TYR: variants seen among roughly 807,000 people sequenced by gnomAD.
TYR encodes the protein tyrosinase.
TYR carries 58 observed loss-of-function variants against 51.5 expected under a neutral mutation model. That is an observed-to-expected ratio of 1.13 (90% CI 0.91 to 1.40). TYR has a LOEUF of 1.40. TYR is among the 40% of genes most tolerant of loss of function. The probability of loss-of-function intolerance (pLI) is 0.00; values close to 1 mark genes in which losing one functional copy is unlikely to be tolerated. For synonymous variants in TYR, 263 were observed against 235.2 expected (o/e 1.12, Z -1.08); for missense variants, 732 against 647.4 (o/e 1.13, Z -1.42).
intron 3 of TYR, among the ~76,000 whole-genome samples, chr11:89,238,268 T>A (rs1255229748): frequency 2.0e-5 from 3 of 152,218 alleles, no homozygotes; most frequent in East Asian, 3.8e-4. Context: ...TAAGAATTTT[T>A]AAAATTTTTA....
chr11:89,189,989 T>C, intron 1 of TYR, among the ~76,000 whole-genome samples: 1 of 152,148 alleles, frequency 6.6e-6, no homozygotes, highest in Non-Finnish European at 1.5e-5. Flanking sequence ...GTCATAATAT[T>C]ATACACAATG....
At chr11:89,237,300 C>A (rs1458775425) in intron 3 of TYR, among the ~76,000 whole-genome samples, 2 of 151,980 alleles carry the variant, frequency 1.3e-5, no homozygotes, top group African/African-American at 4.8e-5. Flanking sequence ...ATGGAGCGTT[C>A]CCCCCATTTT....
chr11:89,226,296 GT>G (rs1943975811), intron 2 of TYR, among the ~76,000 whole-genome samples: 1 of 152,042 alleles, frequency 6.6e-6, no homozygotes, highest in African/African-American at 2.4e-5. Flanking sequence ...CAAGTTCTTT[GT>G]CCCCTCTAAG....
chr11:89,229,928 T>C (rs943474128), intron 3 of TYR, among the ~76,000 whole-genome samples: 15 of 152,046 alleles, frequency 9.9e-5, no homozygotes, highest in African/African-American at 3.4e-4. Context: ...CCTGTATTCA[T>C]AGATTAGAAA....
chr11:89,254,629 C>T (rs1184975983), intron 3 of TYR, among the ~76,000 whole-genome samples: 11 of 151,760 alleles, frequency 7.2e-5, no homozygotes, highest in Non-Finnish European at 1.3e-4. Flanking sequence ...TCATAGTAGC[C>T]TTGAATGATC....
chr11:89,190,805 T>A (rs11824443), intron 1 of TYR, among the ~76,000 whole-genome samples: 24,228 of 151,746 alleles, frequency 0.16, 2,329 homozygotes, highest in African/African-American at 0.28. Context: ...TAAAAAAAAA[T>A]TTTATACTGT....
At chr11:89,282,513 G>A (rs2135322728) in intron 3 of TYR, among the ~76,000 whole-genome samples, 1 of 151,828 alleles carries the variant, frequency 6.6e-6, no homozygotes, top group African/African-American at 2.4e-5. Context: ...AAAGCATAGA[G>A]CAATTACAGG....
intron 1 of TYR, among the ~76,000 whole-genome samples, chr11:89,180,670 T>C (rs1311796227): frequency 6.6e-6 from 1 of 151,986 alleles, no homozygotes; most frequent in East Asian, 1.9e-4. Context: ...AAAATAAAAT[T>C]AGAAAACAGA....
At chr11:89,185,478 A>C (rs940922650) in intron 1 of TYR, among the ~76,000 whole-genome samples, 1 of 152,202 alleles carries the variant, frequency 6.6e-6, no homozygotes, top group Admixed American at 6.5e-5. Context: ...AGGGTGCTAG[A>C]AACTGTACTA....
chr11:89,275,075 T>C (rs1297063454), intron 3 of TYR, among the ~76,000 whole-genome samples: 1 of 151,842 alleles, frequency 6.6e-6, no homozygotes, highest in African/African-American at 2.4e-5. Context: ...TGATGGTCTT[T>C]GGCTCCTCAT....
At chr11:89,209,735 G>A (rs1943726198) in intron 2 of TYR, among the ~76,000 whole-genome samples, 1 of 152,086 alleles carries the variant, frequency 6.6e-6, no homozygotes. Context: ...ATACAGGCAG[G>A]TGCCCCTCTG....
intron 2 of TYR, among the ~76,000 whole-genome samples, chr11:89,220,538 C>T (rs1462521470): frequency 2.0e-5 from 3 of 152,176 alleles, no homozygotes; most frequent in Non-Finnish European, 2.9e-5. Flanking sequence ...ACCACCTATC[C>T]TCTTTGAGAC....
chr11:89,249,471 C>CAAAAA (rs35342940), intron 3 of TYR, among the ~76,000 whole-genome samples: 81 of 69,760 alleles, frequency 1.2e-3, no homozygotes, highest in African/African-American at 4.2e-3. Flanking sequence ...GCCATGTAGC[C>CAAAAA]AAAAAAAAAA....
chr11:89,186,998 T>A (rs548992510), intron 1 of TYR, among the ~76,000 whole-genome samples: 2 of 152,110 alleles, frequency 1.3e-5, no homozygotes, highest in Non-Finnish European at 2.9e-5. Flanking sequence ...TCCAAACTCA[T>A]GAACTTTGAG....
chr11:89,251,702 T>TA (rs1302229080), intron 3 of TYR, among the ~76,000 whole-genome samples: 3 of 151,692 alleles, frequency 2.0e-5, no homozygotes, highest in East Asian at 1.9e-4. Context: ...GTACGTCAGG[T>TA]AAAAAAAGTC....
rs778017680 is a variant in TYR, at chr11:89,284,864, A to G, written c.1276A>G (p.Met426Val). The G allele has an allele frequency of 3.7e-6, 6 of 1,611,974 alleles. No individual in the cohort carries two copies. The highest frequency in any genetic ancestry group is 1.1e-5 in the South Asian group (1 of 91,040). ...APIGHNRESYMVPFIPLYRNG... is the reference protein window; with the variant it reads ...APIGHNRESYVVPFIPLYRNG... ...CATTGGACATAACCGGGAATCCTACATGGTTCCTTTTATACCACTGTACAG... is the reference window on the plus strand; with the variant it reads ...CATTGGACATAACCGGGAATCCTACGTGGTTCCTTTTATACCACTGTACAG... Residue 426 changes from methionine (M) to valine (V), a missense_variant, in exon 4 of 5, where the codon ATG becomes GTG. Met to Val is a conservative substitution (Grantham distance 21). Transcript: ENST00000263321.
chr11:89,247,850 G>A (rs1181955860), intron 3 of TYR, among the ~76,000 whole-genome samples: 3 of 152,156 alleles, frequency 2.0e-5, no homozygotes, highest in African/African-American at 7.2e-5. Context: ...CTGTAGGATA[G>A]ATCTTTACCA....
chr11:89,269,079 G>A (rs1174457617), intron 3 of TYR, among the ~76,000 whole-genome samples: 5 of 151,872 alleles, frequency 3.3e-5, no homozygotes, highest in Non-Finnish European at 2.9e-5. Flanking sequence ...AATGAGGATA[G>A]GGACTATGCT....
intron 2 of TYR, chr11:89,191,877 G>T (rs1366365862): frequency 3.3e-6 from 1 of 306,620 alleles, no homozygotes. Context: ...AGTAAAGTCA[G>T]TTTTTTCCAT....
Sources: gnomAD v4.1 joint callset for allele counts (sites outside exome capture counted in the v4.1 genomes callset) on GRCh38, gnomAD v4.1.1 for gene constraint, MANE v1.5 for transcripts, NCBI Gene and HGNC (gene_info 2026-07-23, HGNC 2026-07-21) for gene names.